The following CEP250 variants were observed in gnomAD, a reference collection of about 807,000 sequenced individuals.
CEP250 encodes centrosomal protein 250.
CEP250 carries 242 observed loss-of-function variants against 315.7 expected under a neutral mutation model. That is an observed-to-expected ratio of 0.77 (90% CI 0.69 to 0.85). The LOEUF is 0.85. Ranked by LOEUF, CEP250 falls within the 40% of genes least tolerant of loss-of-function variation. The pLI is 0.00. For missense variants in CEP250, 2,515 were observed against 2,886.4 expected, an observed-to-expected ratio of 0.87 and a Z score of 2.95; for synonymous variants, 1,088 against 1,175.0, an observed-to-expected ratio of 0.93 and a Z score of 1.51.
chr20:35,470,477 C>T (rs1468966402), intron 10 of CEP250, among the ~76,000 whole-genome samples: 4 of 152,144 alleles, frequency 2.6e-5, no homozygotes, highest in African/African-American at 4.8e-5. Flanking sequence ...GGGCCGGGCG[C>T]GGTGGCTCAC....
At position 35,502,879 on chromosome 20, in the gene CEP250, A is replaced by C. The variant is rs2064054693; in HGVS notation, c.4510A>C (p.Thr1504Pro). 1.2e-6 allele frequency: 2 copies of C among 1,614,120 alleles called. No homozygotes were observed. Among genetic ancestry groups the C allele is most frequent in the Non-Finnish European group, 1.7e-6 (2 of 1,180,040 alleles). Residue 1504 changes from threonine (T) to proline (P), a missense_variant, in exon 30 of 35, where the codon ACT (threonine) becomes CCT (proline). Physicochemically the swap from Thr to Pro is conservative, Grantham distance 38. Coordinates refer to ENST00000397527, the MANE Select transcript of CEP250 (RefSeq NM_007186.6). ...CGTCCAGGAGCGAGAGCAGAAGCTGACTGTGCAGAGGGAGCAGATCAGAGA... is the reference window on the plus strand; with the variant it reads ...CGTCCAGGAGCGAGAGCAGAAGCTGCCTGTGCAGAGGGAGCAGATCAGAGA... Reference protein sequence around the residue: ...MAVQEREQKLTVQREQIRELE... With the variant: ...MAVQEREQKLPVQREQIRELE...
At chr20:35,510,840 C>G (rs966328785) in intron 34 of CEP250, among the ~76,000 whole-genome samples, 44 of 152,074 alleles carry the variant, frequency 2.9e-4, no homozygotes, top group African/African-American at 1.0e-3. Flanking sequence ...ACTAAAAATA[C>G]AAAAATTAGC....
chr20:35,480,550 A>G (rs1053529917), intron 20 of CEP250, among the ~76,000 whole-genome samples: 6 of 130,626 alleles, frequency 4.6e-5, no homozygotes, highest in Admixed American at 3.0e-4. Flanking sequence ...ATTTGGATTT[A>G]TTTGTGCCAT....
At chr20:35,507,665 T>G in intron 30 of CEP250, 73 bp from the exon 31 acceptor site, 1 of 1,146,388 alleles carries the variant, frequency 8.7e-7, no homozygotes, top group Non-Finnish European at 1.3e-6. Context: ...GAACCGCTGT[T>G]TGTGTGGAGG....
Position 35,507,778 on chromosome 20 carries a change from G to A in CEP250, c.6677G>A (p.Arg2226Gln), listed in dbSNP as rs200449873. 31 of 1,561,828 alleles carry A rather than the reference G, an allele frequency of 2.0e-5. No homozygotes were observed. The East Asian group carries it at 2.4e-4, about 12-fold the overall frequency. The part of the protein sequence containing the change: ...ELTRRALEKE[R>Q]LHSPGATSTA... ...ACCAGACGGGCTCTGGAGAAGGAGC[G>A]GCTACACAGCCCAGGTGCAACCAGC... The change falls in exon 31 of 35, where the codon CGG becomes CAG. Residue 2226 changes from arginine (R) to glutamine (Q), a missense_variant. Transcript: ENST00000397527.
intron 34 of CEP250, among the ~76,000 whole-genome samples, chr20:35,510,922 T>C (rs1180353858): frequency 1.3e-5 from 2 of 151,972 alleles, no homozygotes; most frequent in African/African-American, 4.8e-5. Context: ...TTGAACCCGA[T>C]GGGGTGGAGG....
At chr20:35,472,215 C>T in intron 11 of CEP250, 64 bp downstream of exon 11, 1 of 938,012 alleles carries the variant, frequency 1.1e-6, no homozygotes, top group South Asian at 1.3e-5. Flanking sequence ...TCTCCATGTC[C>T]TTTCAGTCCT....
rs1405799733 is a variant in CEP250 at position 35,518,245 on chromosome 20, C to G, written c.*6619C>G. The stretch of plus-strand genomic sequence containing the variant: ...AGTATCTGGACACGAGGCCGCACTA[C>G]CTACACCTTTGGGGATTCTCGGATC... On this transcript the variant is annotated 3_prime_UTR_variant, in exon 35 of 35. Transcript: ENST00000397527. The G allele has an allele frequency of 6.6e-6, 1 of 151,902 alleles. No homozygotes were observed. The highest frequency in any genetic ancestry group is 2.4e-5 in the African/African-American group (1 of 41,334). The allele number at this position is 151,902 out of a possible 1,614,324, so 9.4% of individuals were successfully genotyped here. A position where few individuals can be genotyped will look rare whatever the true frequency, so the allele number is the denominator to read the frequency against.
chr20:35,463,365 T>C (rs2062801730), intron 4 of CEP250, among the ~76,000 whole-genome samples: 5 of 152,204 alleles, frequency 3.3e-5, no homozygotes, highest in Admixed American at 3.3e-4. Context: ...ATTGTGCCAC[T>C]GCACTCCAGC....
Position 35,513,997 on chromosome 20 carries a change from G to A in CEP250, c.*2371G>A, listed in dbSNP as rs1204417482. 4 of 152,296 alleles carry A rather than the reference G, an allele frequency of 2.6e-5. No individual in the cohort carries two copies. Among genetic ancestry groups the A allele is most frequent in the Admixed American group, 2.6e-4 (4 of 15,286 alleles). The allele number at this position is 152,296 out of a possible 1,614,324, so 9.4% of individuals were successfully genotyped here. A position where few individuals can be genotyped will look rare whatever the true frequency, so the allele number is the denominator to read the frequency against. On this transcript the variant is annotated 3_prime_UTR_variant, in exon 35 of 35. Coordinates refer to ENST00000397527, the MANE Select transcript of CEP250 (RefSeq NM_007186.6). The stretch of plus-strand genomic sequence containing the variant: ...GAGCTTGTGGATGATCTTCCACTCC[G>A]GCTTTCTAAAGTACACTTTCCTTGC...
At position 35,461,452 on chromosome 20, in the gene CEP250, G is replaced by C. The variant is rs547786708; in HGVS notation, c.-103-813G>C. Among the ~76,000 whole-genome samples the C allele has an allele frequency of 6.6e-5, 10 of 152,318 alleles. No homozygotes were observed. The South Asian group carries it at 2.1e-3, about 32-fold the overall frequency. ...TATCTCTGATGAAGGTCACCGTTAG[G>C]CTGGCCGCCTCTGCCTGTGGTGGCC... On this transcript the variant is annotated intron_variant, in intron 3 of 34. Transcript: ENST00000397527.
rs138691718 is a variant in CEP250, at chr20:35,474,864, A to G, written c.1572-638A>G. 621 of 470,998 alleles carry G rather than the reference A, an allele frequency of 1.3e-3. 2 individuals are homozygous for G. Among genetic ancestry groups the G allele is most frequent in the African/African-American group, 0.011 (576 of 50,158 alleles). The allele number at this position is 470,998 out of a possible 1,614,324, so 29.2% of individuals were successfully genotyped here. The stretch of plus-strand genomic sequence containing the variant: ...GAACCTGGCATATGGTAGGTCTTTA[A>G]TAACTGGGAGCAGGGATATATCTTC... On this transcript the variant is annotated intron_variant, in intron 14 of 34. Transcript: ENST00000397527.
chr20:35,469,702 C>A, intron 9 of CEP250, 188 bp from the exon 10 acceptor site: 1 of 435,404 alleles, frequency 2.3e-6, no homozygotes, highest in Non-Finnish European at 4.0e-6. Flanking sequence ...TTTTTTGCTT[C>A]CCCACTTCAA....
rs185129494 is a variant in CEP250, at chr20:35,494,990, G to A, written c.3167+333G>A. ...TCAAATTATTACGTTATGACACATG[G>A]AGGAAACAGGGTGAGAGAGAGAAGA... On this transcript the variant is annotated intron_variant, in intron 24 of 34. Coordinates refer to ENST00000397527, the MANE Select transcript of CEP250 (RefSeq NM_007186.6). 1.5e-3 allele frequency among the ~76,000 whole-genome samples: 232 copies of A among 152,198 alleles called. 2 individuals are homozygous for A. The highest frequency in any genetic ancestry group is 5.4e-3 in the African/African-American group (224 of 41,524).
intron 8 of CEP250, 113 bp downstream of exon 8, chr20:35,467,185 G>C: frequency 7.6e-7 from 1 of 1,316,102 alleles, no homozygotes; most frequent in South Asian, 1.3e-5. Flanking sequence ...TGGGGGAGTT[G>C]GTAGTATTGG....
rs771275907 is a variant in CEP250 at position 35,498,084 on chromosome 20, A to G, written c.3655+17A>G. 1.7e-5 allele frequency: 26 copies of G among 1,525,376 alleles called. 1 individual carries two copies. In the African/African-American group the frequency reaches 1.8e-4, roughly 10 times the overall value. The allele number at this position is 1,525,376 out of a possible 1,614,324, so 94.5% of individuals were successfully genotyped here. A position where few individuals can be genotyped will look rare whatever the true frequency, so the allele number is the denominator to read the frequency against. ...TTGAGCCAGGTGAGACAGCCTCCCC[A>G]GAACTAGGTCCTTTGGGCCAAAGCC... On this transcript the variant is annotated intron_variant, in intron 26 of 34. Coordinates refer to ENST00000397527, the MANE Select transcript of CEP250 (RefSeq NM_007186.6).
At chr20:35,493,359 C>A in intron 22 of CEP250, 70 bp from the exon 23 acceptor site, 1 of 1,391,148 alleles carries the variant, frequency 7.2e-7, no homozygotes, top group Non-Finnish European at 9.5e-7. Context: ...GCTTTTGCCA[C>A]CCCACCAAAA....
rs948806541 is a variant in CEP250 at position 35,511,575 on chromosome 20, G to A, written c.7278G>A (p.Gly2426=). 1.2e-6 allele frequency: 2 copies of A among 1,613,552 alleles called. No homozygotes were observed. Among genetic ancestry groups the A allele is most frequent in the African/African-American group, 2.7e-5 (2 of 74,898 alleles). The change falls in exon 35 of 35, where the codon GGG becomes GGA. Residue 2426 remains glycine, a synonymous_variant. Transcript: ENST00000397527. ...ESLTQSLTSP[G]PVLLHPSPST... The stretch of plus-strand genomic sequence containing the variant: ...TGACTCAAAGTCTGACATCCCCAGG[G>A]CCAGTCCTGCTACACCCCAGCCCCA...
chr20:35,490,930 T>G, intron 21 of CEP250, 126 bp downstream of exon 21: 4 of 1,142,206 alleles, frequency 3.5e-6, no homozygotes, highest in Non-Finnish European at 5.0e-6. Context: ...GCTACCCACT[T>G]TGCTAACAGT....
Sources: gnomAD v4.1 joint callset for allele counts (sites outside exome capture counted in the v4.1 genomes callset) on GRCh38, gnomAD v4.1.1 for gene constraint, MANE v1.5 for transcripts, NCBI Gene and HGNC (gene_info 2026-07-23, HGNC 2026-07-21) for gene names.